The following UBR7 variants were observed in gnomAD, a reference collection of about 807,000 sequenced individuals.
UBR7 encodes ubiquitin protein ligase E3 component n-recognin 7.
UBR7 carries 22 observed loss-of-function variants against 57.0 expected under a neutral mutation model. The ratio of observed to expected loss-of-function variants is 0.39; its 90% confidence interval spans 0.28 to 0.55. The LOEUF is 0.55. Ranked by LOEUF, UBR7 falls within the 20% of genes least tolerant of loss-of-function variation. The pLI is 0.69. For missense variants in UBR7, 395 were observed against 513.2 expected (o/e 0.77, Z 2.23); for synonymous variants, 167 against 179.8 (o/e 0.93, Z 0.57).
intron 9 of UBR7, among the ~76,000 whole-genome samples, chr14:93,222,069 G>T (rs1359590389): frequency 6.6e-6 from 1 of 151,082 alleles, no homozygotes; most frequent in Non-Finnish European, 1.5e-5. Flanking sequence ...ATGGGATTAG[G>T]ATATCTCTGC....
chr14:93,218,589 G>A lies in UBR7; in HGVS notation c.664G>A (p.Glu222Lys). ...GAACATTGATGGAATAGGTGATCAG[G>A]AAGTTATCAAACCTGAAAATGGAGA... ...VRNIDGIGDQ[E>K]VIKPENGEHQ... Residue 222 changes from glutamate to lysine, a missense_variant, in exon 7 of 11, where the codon GAA becomes AAA. Glu to Lys is a moderately conservative substitution (Grantham distance 56). Transcript: ENST00000013070. 6.2e-7 allele frequency: 1 copy of A among 1,614,102 alleles called. No individual in the cohort carries two copies. The highest frequency in any genetic ancestry group is 8.5e-7 in the Non-Finnish European group (1 of 1,180,030).
chr14:93,223,902 C>T (rs989331200), intron 10 of UBR7: 15 of 731,302 alleles, frequency 2.1e-5, no homozygotes, highest in African/African-American at 8.6e-5. Flanking sequence ...AGCCAGATGC[C>T]GAAGTTCTTG....
chr14:93,222,401 A>G (rs1894727248), intron 10 of UBR7, 27 bp downstream of exon 10: 1 of 1,509,276 alleles, frequency 6.6e-7, no homozygotes, highest in African/African-American at 1.4e-5. Context: ...AATTCTAATC[A>G]TAGCCCTGTA....
intron 10 of UBR7, chr14:93,223,821 C>A (rs1404234788): frequency 2.7e-6 from 2 of 746,348 alleles, no homozygotes; most frequent in Non-Finnish European, 2.4e-6. Flanking sequence ...CACTGGGTAA[C>A]AGCGCCCGCG....
chr14:93,221,437 T>A (rs1894704919), intron 9 of UBR7, among the ~76,000 whole-genome samples: 1 of 151,472 alleles, frequency 6.6e-6, no homozygotes, highest in Non-Finnish European at 1.5e-5. Flanking sequence ...GTATTTTTAG[T>A]AGAGTCAGGG....
intron 3 of UBR7, among the ~76,000 whole-genome samples, chr14:93,211,700 AAAG>A (rs1372129114): frequency 1.3e-5 from 2 of 152,146 alleles, no homozygotes; most frequent in Non-Finnish European, 2.9e-5. Flanking sequence ...CAAAAAGAAA[AAAG>A]AAGTACCTTG....
intron 10 of UBR7, chr14:93,224,067 G>A: frequency 9.7e-7 from 1 of 1,028,752 alleles, no homozygotes. Context: ...TAGAGGGGCG[G>A]TGTGTGGCAT....
At chr14:93,223,989 G>T in intron 10 of UBR7, 1 of 761,080 alleles carries the variant, frequency 1.3e-6, no homozygotes, top group East Asian at 2.5e-5. Context: ...TTTTTTAACT[G>T]AGATACGAAG....
intron 5 of UBR7, 74 bp downstream of exon 5, chr14:93,215,056 AG>A (rs1281195139): frequency 6.9e-7 from 1 of 1,442,072 alleles, no homozygotes; most frequent in Non-Finnish European, 9.6e-7. Flanking sequence ...CATTATAATT[AG>A]TCTTCTAAAA....
intron 10 of UBR7, among the ~76,000 whole-genome samples, chr14:93,222,697 C>G (rs1894734220): frequency 6.6e-6 from 1 of 151,626 alleles, no homozygotes; most frequent in African/African-American, 2.4e-5. Flanking sequence ...GAGCCGAGAA[C>G]ACGCCACTGC....
rs1225267529 is a variant in UBR7, at chr14:93,215,206, G to A, written c.526G>A (p.Asp176Asn). 1 of 1,587,130 alleles carries A rather than the reference G, an allele frequency of 6.3e-7. No homozygotes were observed. The highest frequency in any genetic ancestry group is 8.6e-7 in the Non-Finnish European group (1 of 1,165,916). The change falls in exon 6 of 11, where the codon GAT becomes AAT. Residue 176 changes from aspartate (D) to asparagine (N), a missense_variant. Asp to Asn is a conservative substitution (Grantham distance 23). Transcript: ENST00000013070. ...TGGTGCCATTCCCCCTGAGAGTGGG[G>A]ATTTTCAGGAGATGGTATGCCAGGC... The part of the protein sequence containing the change: ...HLGAIPPESG[D>N]FQEMVCQACM...
At chr14:93,210,598 T>C in intron 2 of UBR7, 50 bp from the exon 3 acceptor site, 1 of 1,497,450 alleles carries the variant, frequency 6.7e-7, no homozygotes. Context: ...AAATTTTAAA[T>C]TGGATTTTGT....
chr14:93,224,372 CTTTTTTTT>C lies in UBR7; in HGVS notation c.1185+2015_1185+2022del, dbSNP rs761189322. ...GAACAATTCCTACTTCCTTACAGTTCTTTTTTTTTTTTTTTTTTTTTTTTGAGATGGAG... is the reference window on the plus strand; with the variant it reads ...GAACAATTCCTACTTCCTTACAGTTCTTTTTTTTTTTTTTTTGAGATGGAG... On this transcript the variant is annotated intron_variant, in intron 10 of 10. Transcript: ENST00000013070. Among the ~76,000 whole-genome samples, 57 of 93,778 alleles carry C rather than the reference CTTTTTTTT, an allele frequency of 6.1e-4. No homozygotes were observed. The East Asian group carries it at 6.6e-3, about 11-fold the overall frequency. The allele number at this position is 93,778 out of a possible 152,430, so 61.5% of individuals were successfully genotyped here. A position where few individuals can be genotyped will look rare whatever the true frequency, so the allele number is the denominator to read the frequency against.
chr14:93,216,201 C>T (rs1894588114), intron 6 of UBR7, among the ~76,000 whole-genome samples: 1 of 152,166 alleles, frequency 6.6e-6, no homozygotes, highest in Non-Finnish European at 1.5e-5. Flanking sequence ...CACACACTAC[C>T]ATGCCCTGCT....
At chr14:93,215,084 T>C (rs1894563007) in intron 5 of UBR7, 92 bp from the exon 6 acceptor site, 1 of 1,402,514 alleles carries the variant, frequency 7.1e-7, no homozygotes, top group Non-Finnish European at 9.9e-7. Flanking sequence ...TCTAATGATA[T>C]GATCAGTGTA....
At chr14:93,210,973 T>C (rs1894470216) in intron 3 of UBR7, among the ~76,000 whole-genome samples, 1 of 152,208 alleles carries the variant, frequency 6.6e-6, no homozygotes, top group Non-Finnish European at 1.5e-5. Context: ...GTTGTACTTA[T>C]TCTCTGAGGC....
chr14:93,210,982 G>A (rs1267432454), intron 3 of UBR7, among the ~76,000 whole-genome samples: 1 of 152,150 alleles, frequency 6.6e-6, no homozygotes, highest in Non-Finnish European at 1.5e-5. Context: ...ATTCTCTGAG[G>A]CTTTTAAATC....
Position 93,227,959 on chromosome 14 carries a change from T to C in UBR7, c.*924T>C, listed in dbSNP as rs1894895199. 1.4e-6 allele frequency: 1 copy of C among 700,118 alleles called. No individual in the cohort carries two copies. Among genetic ancestry groups the C allele is most frequent in the Admixed American group, 2.0e-5 (1 of 49,972 alleles). 43.4% of individuals were successfully genotyped at this position (700,118 alleles called of 1,614,324 possible). A position where few individuals can be genotyped will look rare whatever the true frequency, so the allele number is the denominator to read the frequency against. ...CAAAAATGGACCTATTTTGATATTC[T>C]GTTATGAAAATGTTATTAGAACCCC... is the stretch of plus-strand genomic sequence containing the variant. On this transcript the variant is annotated 3_prime_UTR_variant, in exon 11 of 11. Coordinates refer to ENST00000013070, the MANE Select transcript of UBR7 (RefSeq NM_175748.4).
At chr14:93,219,737 G>A (rs900846631) in intron 8 of UBR7, among the ~76,000 whole-genome samples, 1 of 152,196 alleles carries the variant, frequency 6.6e-6, no homozygotes, top group African/African-American at 2.4e-5. Flanking sequence ...ACTCTGGGAG[G>A]CCAAGTTAGG....
Sources: gnomAD v4.1 joint callset for allele counts (sites outside exome capture counted in the v4.1 genomes callset) on GRCh38, gnomAD v4.1.1 for gene constraint, MANE v1.5 for transcripts, NCBI Gene and HGNC (gene_info 2026-07-23, HGNC 2026-07-21) for gene names.